IL22RA1: variants seen among roughly 807,000 people sequenced by gnomAD.
IL22RA1 encodes interleukin 22 receptor subunit alpha 1, also known as interleukin-22 receptor subunit alpha-1.
A neutral mutation model predicts 32.8 loss-of-function variants in IL22RA1; 25 were observed. The ratio of observed to expected loss-of-function variants is 0.76; its 90% CI spans 0.55 to 1.06. IL22RA1 has a LOEUF of 1.06. IL22RA1 is among the 50% of genes least tolerant of loss of function. The pLI is 0.00. For synonymous variants in IL22RA1, 305 were observed against 305.0 expected (o/e 1.00, Z 0.00); for missense variants, 709 against 727.4 (o/e 0.97, Z 0.29).
chr1:24,123,547 C>T (rs191534139), intron 5 of IL22RA1, 124 bp from the exon 6 acceptor site: 88 of 1,507,558 alleles, frequency 5.8e-5, no homozygotes, highest in Non-Finnish European at 7.4e-5. Context: ...GCCTCTCCTA[C>T]CGTCAGAATG....
Position 24,134,347 on chromosome 1 carries a change from A to G in IL22RA1, c.395T>C (p.Val132Ala). The change falls in exon 4 of 7, where the codon GTG becomes GCG. Residue 132 changes from valine (V) to alanine (A), a missense_variant. Transcript: ENST00000270800. ...KPPDVTCISKVRSIQMIVHPT... is the reference protein window; with the variant it reads ...KPPDVTCISKARSIQMIVHPT... The stretch of plus-strand genomic sequence containing the variant: ...ATGAACAATCATCTGAATCGATCTC[A>G]CTTTGGAGATACAGGTCACATCAGG... The G allele has an allele frequency of 6.3e-7, 1 of 1,576,816 alleles. No homozygotes were observed. The highest frequency in any genetic ancestry group is 1.4e-5 in the African/African-American group (1 of 73,186).
intron 1 of IL22RA1, among the ~76,000 whole-genome samples, chr1:24,141,262 T>C (rs1362598399): frequency 6.6e-6 from 1 of 152,144 alleles, no homozygotes; most frequent in Non-Finnish European, 1.5e-5. Flanking sequence ...GGGTCAGTTC[T>C]GGAGGGAGGG....
At chr1:24,137,041 C>T (rs1293016913) in intron 3 of IL22RA1, 90 bp downstream of exon 3, 47 of 1,297,734 alleles carry the variant, frequency 3.6e-5, no homozygotes, top group Non-Finnish European at 4.9e-5. Context: ...GGACCCTCCA[C>T]CCACTCCAGA....
chr1:24,121,390 C>A lies in IL22RA1; in HGVS notation c.1140G>T (p.Gln380His). ...AGGAAGGCTGGACCTTAGAGATGGCCTGTGGGGCGTAGAATGGGAATTGAG... is the reference window on the plus strand; with the variant it reads ...AGGAAGGCTGGACCTTAGAGATGGCATGTGGGGCGTAGAATGGGAATTGAG... ...PEAQFPFYAP[Q>H]AISKVQPSSY... The change falls in exon 7 of 7, where the codon CAG (glutamine) becomes CAT (histidine). Residue 380 changes from glutamine (Q) to histidine (H), a missense_variant. Coordinates refer to ENST00000270800, the MANE Select transcript of IL22RA1 (RefSeq NM_021258.4). 6.4e-7 allele frequency: 1 copy of A among 1,561,948 alleles called. No homozygotes were observed. The highest frequency in any genetic ancestry group is 8.7e-7 in the Non-Finnish European group (1 of 1,152,564).
intron 6 of IL22RA1, among the ~76,000 whole-genome samples, chr1:24,122,566 T>G (rs1262768466): frequency 6.6e-6 from 1 of 151,876 alleles, no homozygotes; most frequent in South Asian, 2.1e-4. Flanking sequence ...GAGGCCGAGG[T>G]GGGTAGATCA....
In IL22RA1 at chr1:24,138,680, C is replaced by G. The variant is rs199595121; in HGVS notation, c.78G>C (p.Gln26His). Residue 26 changes from glutamine (Q) to histidine (H), a missense_variant, in exon 2 of 7, where the codon CAG becomes CAC. Gln to His is a conservative substitution (Grantham distance 24, BLOSUM62 0). Transcript: ENST00000270800. ...AGTTGCTGGACTGGAATTTCACGTG[C>G]TGGAGCAGATCCGAGGGGTCCTCAG... Reference protein sequence around the residue: ...HAPEDPSDLLQHVKFQSSNFE... With the variant: ...HAPEDPSDLLHHVKFQSSNFE... The G allele has an allele frequency of 8.1e-6, 13 of 1,614,170 alleles. No individual in the cohort carries two copies. The highest frequency in any genetic ancestry group is 7.7e-5 in the South Asian group (7 of 91,086).
Position 24,120,594 on chromosome 1 carries a change from T to TC in IL22RA1, c.*210dup. 5.7e-6 allele frequency: 3 copies of TC among 529,628 alleles called. No individual in the cohort carries two copies. The allele number at this position is 529,628 out of a possible 1,614,324, so 32.8% of individuals were successfully genotyped here. A position where few individuals can be genotyped will look rare whatever the true frequency, so the allele number is the denominator to read the frequency against. On this transcript the variant is annotated 3_prime_UTR_variant, in exon 7 of 7. Coordinates refer to ENST00000270800, the MANE Select transcript of IL22RA1 (RefSeq NM_021258.4). Reference sequence around the variant, plus strand: ...GTCTACACAAGCTGCTCCCCAGAGCTCCCCCGCTGCAGTCCTTATCATGCT... The same window carrying TC: ...GTCTACACAAGCTGCTCCCCAGAGCTCCCCCCGCTGCAGTCCTTATCATGCT...
chr1:24,134,469 T>C (rs1417947849), intron 3 of IL22RA1, 83 bp from the exon 4 acceptor site: 4 of 1,011,222 alleles, frequency 4.0e-6, no homozygotes, highest in Non-Finnish European at 5.4e-6. Flanking sequence ...CAGTGGAAAA[T>C]GACTGCTCCC....
At chr1:24,138,483 C>G in intron 2 of IL22RA1, 99 bp downstream of exon 2, 1 of 1,351,534 alleles carries the variant, frequency 7.4e-7, no homozygotes, top group Non-Finnish European at 1.0e-6. Flanking sequence ...GACACCAGTC[C>G]TGGTGGGGAC....
chr1:24,139,737 A>G (rs1474848869), intron 1 of IL22RA1, among the ~76,000 whole-genome samples: 1 of 152,122 alleles, frequency 6.6e-6, no homozygotes, highest in Non-Finnish European at 1.5e-5. Flanking sequence ...GGGGTCTCAT[A>G]TATTGTCCAG....
intron 4 of IL22RA1, among the ~76,000 whole-genome samples, chr1:24,131,122 C>A (rs1052816247): frequency 3.9e-5 from 6 of 152,166 alleles, no homozygotes; most frequent in African/African-American, 9.7e-5. Context: ...AATCTAGGAA[C>A]TTTAGAGTTG....
intron 4 of IL22RA1, among the ~76,000 whole-genome samples, chr1:24,132,568 G>A (rs191855288): frequency 0.017 from 2,618 of 151,898 alleles, 76 homozygotes; most frequent in African/African-American, 0.06. Flanking sequence ...TCCTGACCTC[G>A]TGATCCGCCC....
chr1:24,128,109 C>T (rs1570904324), intron 5 of IL22RA1, 32 bp downstream of exon 5: 3 of 1,490,308 alleles, frequency 2.0e-6, no homozygotes, highest in Admixed American at 2.3e-5. Flanking sequence ...AATTCGGGAG[C>T]CCCACCTCCC....
rs77337462 is a variant in IL22RA1, at chr1:24,135,814, G to A, written c.355+1317C>T. ...TCATGAGAATAGCATGGGGGGAACC[G>A]TCCCCATCATTCAGTTACCTCCTAC... On this transcript the variant is annotated intron_variant, in intron 3 of 6. Coordinates refer to ENST00000270800, the MANE Select transcript of IL22RA1 (RefSeq NM_021258.4). Among the ~76,000 whole-genome samples, 857 of 152,260 alleles carry A rather than the reference G, an allele frequency of 5.6e-3. 9 individuals carry two copies. The highest frequency in any genetic ancestry group is 0.019 in the African/African-American group (810 of 41,542).
At chr1:24,139,774 T>A (rs567336363) in intron 1 of IL22RA1, among the ~76,000 whole-genome samples, 1 of 152,352 alleles carries the variant, frequency 6.6e-6, no homozygotes, top group Admixed American at 6.5e-5. Flanking sequence ...CATCTTAAAT[T>A]CCCACCAGCA....
At chr1:24,137,398 T>C (rs565268190) in intron 2 of IL22RA1, 89 bp from the exon 3 acceptor site, 1 of 1,236,938 alleles carries the variant, frequency 8.1e-7, no homozygotes, top group East Asian at 2.4e-5. Flanking sequence ...GGAGATCTGA[T>C]ATTTACTTAG....
At chr1:24,126,242 C>T (rs1644160835) in intron 5 of IL22RA1, among the ~76,000 whole-genome samples, 1 of 152,258 alleles carries the variant, frequency 6.6e-6, no homozygotes, top group Admixed American at 6.5e-5. Flanking sequence ...GAAGGGCATG[C>T]CCCATGCAAG....
chr1:24,138,618 C>T lies in IL22RA1; in HGVS notation c.140G>A (p.Gly47Asp). 6.2e-7 allele frequency: 1 copy of T among 1,614,132 alleles called. No individual in the cohort carries two copies. Among genetic ancestry groups the T allele is most frequent in the Non-Finnish European group, 8.5e-7 (1 of 1,180,010 alleles). Reference sequence around the variant, plus strand: ...GATGCTGTAGACCGTGTCTGGGGTGCCCTCCGGCCCGCTGTCCCACGTCAG... The same window carrying T: ...GATGCTGTAGACCGTGTCTGGGGTGTCCTCCGGCCCGCTGTCCCACGTCAG... ...NILTWDSGPE[G>D]TPDTVYSIEY... is the part of the protein sequence containing the mutation. The change falls in exon 2 of 7, where the codon GGC (glycine) becomes GAC (aspartate). Residue 47 changes from glycine to aspartate, a missense_variant. Gly to Asp is a moderately conservative substitution (Grantham distance 94). Transcript: ENST00000270800.
intron 5 of IL22RA1, chr1:24,123,658 A>G: frequency 1.0e-6 from 1 of 958,984 alleles, no homozygotes; most frequent in South Asian, 1.9e-5. Flanking sequence ...CGAGGTTTCC[A>G]CCTTAACAAA....
Sources: allele counts gnomAD v4.1 joint callset (sites outside exome capture counted in the v4.1 genomes callset), GRCh38; gene constraint gnomAD v4.1.1; transcripts MANE v1.5; gene names NCBI Gene and HGNC (gene_info 2026-07-23, HGNC 2026-07-21).